Variants in RNLS observed in about 807,000 individuals in gnomAD.
RNLS encodes renalase.
In RNLS, 39 loss-of-function variants were observed where a neutral mutation model predicts 39.8. That is an observed-to-expected ratio of 0.98 (90% CI 0.76 to 1.28). The LOEUF is 1.28. Ranked by LOEUF, RNLS falls within the 50% of genes most tolerant of loss-of-function variation. RNLS has a pLI of 0.00. For synonymous variants in RNLS, 147 were observed against 150.7 expected, an observed-to-expected ratio of 0.98 and a Z score of 0.18; for missense variants, 410 against 413.3, an observed-to-expected ratio of 0.99 and a Z score of 0.07.
At chr10:88,203,468 A>G in the RNLS span, among the ~76,000 whole-genome samples, 2 of 1,346 alleles carry the variant, frequency 1.5e-3, 1 homozygote, top group Non-Finnish European at 3.7e-3. Flanking sequence ...ATATATATAT[A>G]TATATATATA....
At chr10:88,275,282 C>T (rs2132586364) in intron 6 of RNLS, among the ~76,000 whole-genome samples, 1 of 152,238 alleles carries the variant, frequency 6.6e-6, no homozygotes, top group South Asian at 2.1e-4. Context: ...TATCAGTTGG[C>T]TTTAAAATAC....
downstream of RNLS, among the ~76,000 whole-genome samples, chr10:88,270,712 A>AT (rs986546341): frequency 8.6e-5 from 13 of 151,968 alleles, no homozygotes; most frequent in South Asian, 4.2e-4. Context: ...TTTCTGTTTC[A>AT]TTTTTTTTGC....
chr10:88,408,968 C>T (rs1853477634), intron 4 of RNLS, among the ~76,000 whole-genome samples: 1 of 151,792 alleles, frequency 6.6e-6, no homozygotes, highest in Admixed American at 6.6e-5. Flanking sequence ...TAGTGGAGAC[C>T]CATTTCTGAA....
chr10:88,389,526 C>A (rs529216842), intron 4 of RNLS, among the ~76,000 whole-genome samples: 13 of 151,528 alleles, frequency 8.6e-5, no homozygotes, highest in African/African-American at 2.9e-4. Context: ...TAATTACATT[C>A]ATTTGTTTCA....
At chr10:88,275,212 C>T (rs1589443443) in intron 6 of RNLS, among the ~76,000 whole-genome samples, 1 of 142,424 alleles carries the variant, frequency 7.0e-6, no homozygotes, top group Admixed American at 6.9e-5. Context: ...CCAAGCAGGA[C>T]CCCCCATTTT....
chr10:88,346,895 C>T (rs1006682809), intron 5 of RNLS, among the ~76,000 whole-genome samples: 3 of 152,078 alleles, frequency 2.0e-5, no homozygotes, highest in South Asian at 4.1e-4. Context: ...GCAGTCAGAG[C>T]GTATTACTTC....
At chr10:88,582,053 C>G (rs1250211363) in intron 2 of RNLS, 149 bp downstream of exon 2, 2 of 592,076 alleles carry the variant, frequency 3.4e-6, no homozygotes, top group Non-Finnish European at 5.8e-6. Flanking sequence ...CCCATCACAG[C>G]TAGTTGCCTT....
At chr10:88,256,031 G>A in the RNLS span, among the ~76,000 whole-genome samples, 1 of 152,194 alleles carries the variant, frequency 6.6e-6, no homozygotes, top group East Asian at 1.9e-4. Context: ...AGCTCAGGGA[G>A]GAGAATAAGT....
At chr10:88,256,284 T>C in the RNLS span, among the ~76,000 whole-genome samples, 1 of 152,240 alleles carries the variant, frequency 6.6e-6, no homozygotes, top group Non-Finnish European at 1.5e-5. Flanking sequence ...ACCACCCGCC[T>C]GTCTCATGTG....
chr10:88,343,490 G>GT, intron 5 of RNLS: 1 of 914,878 alleles, frequency 1.1e-6, no homozygotes, highest in Non-Finnish European at 1.3e-6. Context: ...AGTGATGAAC[G>GT]TAAGTTTGAT....
the RNLS span, among the ~76,000 whole-genome samples, chr10:88,246,658 C>T: frequency 6.6e-6 from 1 of 152,010 alleles, no homozygotes; most frequent in Non-Finnish European, 1.5e-5. Context: ...TTTCCTCCCA[C>T]TCTCTCTCAC....
At chr10:88,429,727 T>C (rs1855024111) in intron 4 of RNLS, among the ~76,000 whole-genome samples, 1 of 151,904 alleles carries the variant, frequency 6.6e-6, no homozygotes, top group Non-Finnish European at 1.5e-5. Flanking sequence ...CAGCTTTTCA[T>C]TTTTTATTCT....
chr10:88,231,882 G>C, the RNLS span, among the ~76,000 whole-genome samples: 1 of 152,008 alleles, frequency 6.6e-6, no homozygotes. Flanking sequence ...GGATGTATTT[G>C]GGCCTGCCAG....
the RNLS span, among the ~76,000 whole-genome samples, chr10:88,197,038 T>G: frequency 2.6e-5 from 4 of 152,212 alleles, no homozygotes; most frequent in African/African-American, 9.7e-5. Flanking sequence ...TCCAATCTTT[T>G]TGTCCATGGC....
At chr10:88,265,496 T>A in the RNLS span, among the ~76,000 whole-genome samples, 2 of 152,124 alleles carry the variant, frequency 1.3e-5, no homozygotes, top group Non-Finnish European at 2.9e-5. Context: ...GGGATGTGTT[T>A]CCATTTGTTT....
At chr10:88,514,522 C>T in intron 4 of RNLS, among the ~76,000 whole-genome samples, 1 of 152,048 alleles carries the variant, frequency 6.6e-6, no homozygotes, top group East Asian at 1.9e-4. Flanking sequence ...AGAACTTATT[C>T]ATTTTGCATA....
chr10:88,295,122 T>C (rs1275679932), intron 6 of RNLS, among the ~76,000 whole-genome samples: 1 of 152,178 alleles, frequency 6.6e-6, no homozygotes, highest in East Asian at 1.9e-4. Context: ...ATCATATACA[T>C]ATGAAATATA....
rs530206999 is a variant in RNLS at position 88,389,798 on chromosome 10, A to C, written c.527-27073T>G. On this transcript the variant is annotated intron_variant, in intron 4 of 6. Coordinates refer to ENST00000331772, the MANE Select transcript of RNLS (RefSeq NM_001031709.3). ...GGGGACTACAAGATATACCTGCCTC[A>C]GAATATTTACAGATTCAGGGATAGG... 1.6e-4 allele frequency among the ~76,000 whole-genome samples: 25 copies of C among 152,340 alleles called. 2 individuals are homozygous for C. Among genetic ancestry groups the C allele is most frequent in the African/African-American group, 5.5e-4 (23 of 41,586 alleles).
intron 4 of RNLS, among the ~76,000 whole-genome samples, chr10:88,443,402 G>A (rs1277489556): frequency 1.3e-5 from 2 of 152,162 alleles, no homozygotes; most frequent in East Asian, 1.9e-4. Context: ...CACAGAAGAC[G>A]GGTGATTTCT....
Sources: gnomAD v4.1 joint callset for allele counts (sites outside exome capture counted in the v4.1 genomes callset) on GRCh38, gnomAD v4.1.1 for gene constraint, MANE v1.5 for transcripts, NCBI Gene and HGNC (gene_info 2026-07-23, HGNC 2026-07-21) for gene names.